CRPPA: variants seen among roughly 807,000 people sequenced by gnomAD.
CRPPA encodes CDP-L-ribitol pyrophosphorylase A, also known as D-ribitol-5-phosphate cytidylyltransferase.
CRPPA carries 43 observed loss-of-function variants against 52.0 expected under a neutral mutation model. The ratio of observed to expected loss-of-function variants is 0.83; its 90% CI spans 0.65 to 1.07. The LOEUF (loss-of-function observed/expected upper bound fraction) is 1.07, where lower values mean the gene tolerates loss of function less well. CRPPA is among the 50% of genes least tolerant of loss of function. The pLI is 0.00. For synonymous variants in CRPPA, 250 were observed against 203.5 expected (o/e 1.23, Z -1.94); for missense variants, 629 against 551.7 (o/e 1.14, Z -1.40).
chr7:16,281,499 C>A (rs1213891794), intron 5 of CRPPA, among the ~76,000 whole-genome samples: 3 of 151,988 alleles, frequency 2.0e-5, no homozygotes, highest in African/African-American at 7.3e-5. Flanking sequence ...ATAATTTTAT[C>A]TGATAATGAA....
chr7:16,272,969 T>TTTA (rs566156205), intron 6 of CRPPA, among the ~76,000 whole-genome samples: 2 of 151,880 alleles, frequency 1.3e-5, no homozygotes, highest in Admixed American at 1.3e-4. Context: ...TTTTTTTTAT[T>TTTA]TTATTATTAT....
At chr7:16,331,804 G>C (rs1196104463) in intron 3 of CRPPA, among the ~76,000 whole-genome samples, 4 of 152,052 alleles carry the variant, frequency 2.6e-5, no homozygotes, top group African/African-American at 9.7e-5. Context: ...AAAGTGAGAA[G>C]TAAAGATAAT....
chr7:16,285,820 C>G (rs1423286313), intron 5 of CRPPA, among the ~76,000 whole-genome samples: 1 of 150,710 alleles, frequency 6.6e-6, no homozygotes, highest in African/African-American at 2.4e-5. Flanking sequence ...GTCAGGAGTA[C>G]AAGACAAGCC....
chr7:16,307,980 G>A (rs1443765144), intron 4 of CRPPA, among the ~76,000 whole-genome samples: 1 of 151,988 alleles, frequency 6.6e-6, no homozygotes, highest in Non-Finnish European at 1.5e-5. Context: ...AATCTCATGG[G>A]GAATTGTAAG....
chr7:16,179,577 G>C (rs1279610816), intron 9 of CRPPA, among the ~76,000 whole-genome samples: 1 of 152,066 alleles, frequency 6.6e-6, no homozygotes, highest in Non-Finnish European at 1.5e-5. Flanking sequence ...AAGTAATGCA[G>C]GCAGCCTTCA....
chr7:16,197,348 C>CT (rs1173116431), intron 9 of CRPPA, among the ~76,000 whole-genome samples: 1 of 152,022 alleles, frequency 6.6e-6, no homozygotes, highest in South Asian at 2.1e-4. Flanking sequence ...TTTTTTTCTT[C>CT]TTTTTTGAGT....
chr7:16,281,657 G>T lies in CRPPA; in HGVS notation c.836-3431C>A, dbSNP rs1164591349. 2.0e-5 allele frequency among the ~76,000 whole-genome samples: 3 copies of T among 152,304 alleles called. No individual in the cohort carries two copies. The East Asian group carries it at 5.8e-4, about 29-fold the overall frequency. ...GTGTTTTTCCTACTCTCTAGAAAGT[G>T]TGCAAGATTGGTGTCATGTCTTCTT... is the stretch of plus-strand genomic sequence containing the variant. On this transcript the variant is annotated intron_variant, in intron 5 of 9. Transcript: ENST00000407010.
chr7:16,241,977 G>GT (rs1783126316), intron 8 of CRPPA, among the ~76,000 whole-genome samples: 1 of 130,910 alleles, frequency 7.6e-6, no homozygotes, highest in South Asian at 2.4e-4. Flanking sequence ...TTGTTGGGGG[G>GT]AGATAGAGTC....
At chr7:16,150,583 A>C (rs1223662527) in intron 9 of CRPPA, among the ~76,000 whole-genome samples, 2 of 152,224 alleles carry the variant, frequency 1.3e-5, no homozygotes, top group African/African-American at 4.8e-5. Context: ...TTTTAGAATT[A>C]AAAAACACTA....
intron 8 of CRPPA, among the ~76,000 whole-genome samples, chr7:16,234,603 T>C (rs1006924678): frequency 1.3e-5 from 2 of 152,148 alleles, no homozygotes; most frequent in African/African-American, 4.8e-5. Context: ...TTACTTGAGT[T>C]GCAATTTTTA....
At chr7:16,281,428 T>A (rs1275779965) in intron 5 of CRPPA, among the ~76,000 whole-genome samples, 1 of 152,250 alleles carries the variant, frequency 6.6e-6, no homozygotes, top group Non-Finnish European at 1.5e-5. Context: ...TTTATAGATT[T>A]TAACTTCTTG....
At chr7:16,314,377 C>T (rs1486498959) in intron 3 of CRPPA, among the ~76,000 whole-genome samples, 6 of 151,904 alleles carry the variant, frequency 3.9e-5, no homozygotes, top group African/African-American at 1.4e-4. Flanking sequence ...CTAATTACTC[C>T]CTCCCATCCC....
intron 9 of CRPPA, among the ~76,000 whole-genome samples, chr7:16,175,913 T>C (rs1449535206): frequency 6.6e-6 from 1 of 152,136 alleles, no homozygotes; most frequent in Non-Finnish European, 1.5e-5. Flanking sequence ...ATTGATGACA[T>C]TACTAAGCAT....
chr7:16,094,781 A>T (rs2128361975), intron 9 of CRPPA, among the ~76,000 whole-genome samples: 1 of 152,254 alleles, frequency 6.6e-6, no homozygotes, highest in Non-Finnish European at 1.5e-5. Context: ...GCTAATCATG[A>T]GGAAGACATC....
chr7:16,381,672 C>G (rs1307683195), intron 2 of CRPPA, among the ~76,000 whole-genome samples: 2 of 151,792 alleles, frequency 1.3e-5, no homozygotes, highest in African/African-American at 2.4e-5. Flanking sequence ...AATCTGGGTG[C>G]TCCTGTATTG....
intron 9 of CRPPA, among the ~76,000 whole-genome samples, chr7:16,194,426 T>A (rs1005948446): frequency 1.3e-5 from 2 of 152,142 alleles, no homozygotes; most frequent in Non-Finnish European, 2.9e-5. Context: ...AATATCCATA[T>A]GCCTTTGTCT....
chr7:16,280,009 G>C (rs374348396), intron 5 of CRPPA, among the ~76,000 whole-genome samples: 3 of 152,334 alleles, frequency 2.0e-5, no homozygotes, highest in South Asian at 2.1e-4. Context: ...GGGAAGAGAA[G>C]AGAGCTTGTG....
At chr7:16,162,630 G>C (rs1266221194) in intron 9 of CRPPA, among the ~76,000 whole-genome samples, 1 of 152,210 alleles carries the variant, frequency 6.6e-6, no homozygotes, top group Non-Finnish European at 1.5e-5. Flanking sequence ...GTGTGATGTG[G>C]TGCTGAGAAG....
At chr7:16,152,138 C>T (rs1783087139) in intron 9 of CRPPA, among the ~76,000 whole-genome samples, 1 of 151,804 alleles carries the variant, frequency 6.6e-6, no homozygotes, top group Non-Finnish European at 1.5e-5. Context: ...AGGAACTCTG[C>T]ATTTTAAAAG....
Sources: allele counts gnomAD v4.1 joint callset (sites outside exome capture counted in the v4.1 genomes callset), GRCh38; gene constraint gnomAD v4.1.1; transcripts MANE v1.5; gene names NCBI Gene and HGNC (gene_info 2026-07-23, HGNC 2026-07-21).